Variants in AMY2B observed in about 807,000 individuals in gnomAD.
AMY2B encodes alpha-amylase 2B.
A neutral mutation model predicts 59.3 loss-of-function variants in AMY2B; 63 were observed. The ratio of observed to expected loss-of-function variants is 1.06; its 90% CI spans 0.87 to 1.31. AMY2B has a LOEUF of 1.31. Among genes scored for constraint, AMY2B ranks in the 50% most tolerant of loss-of-function variants. AMY2B has a pLI of 0.00. For synonymous variants in AMY2B, 180 were observed against 198.1 expected, an observed-to-expected ratio of 0.91 and a Z score of 0.77; for missense variants, 635 against 626.7, an observed-to-expected ratio of 1.01 and a Z score of -0.14.
chr1:103,566,955 A>G (rs1198103988), upstream of AMY2B, among the ~76,000 whole-genome samples: 1 of 152,166 alleles, frequency 6.6e-6, no homozygotes, highest in Admixed American at 6.5e-5. Flanking sequence ...ACATAAGACA[A>G]TGTCAATCAT....
intron 9 of AMY2B, among the ~76,000 whole-genome samples, chr1:103,578,778 A>G (rs943814006): frequency 2.0e-5 from 3 of 151,400 alleles, no homozygotes; most frequent in African/African-American, 7.3e-5. Context: ...ATTCTTTTTT[A>G]CCTTATGGGG....
upstream of AMY2B, chr1:103,570,229 A>T: frequency 1.9e-6 from 1 of 524,488 alleles, no homozygotes; most frequent in Non-Finnish European, 3.8e-6. Flanking sequence ...TGAGCAGTAG[A>T]TGGCCACTGC....
intron 2 of AMY2B, 113 bp downstream of exon 2, chr1:103,572,369 C>G (rs1652170436): frequency 2.7e-6 from 4 of 1,496,850 alleles, no homozygotes; most frequent in South Asian, 1.4e-5. Flanking sequence ...TTTAATTTTA[C>G]TTCATACTTT....
chr1:103,569,522 G>T (rs1021629612), upstream of AMY2B: 3 of 269,848 alleles, frequency 1.1e-5, no homozygotes, highest in East Asian at 1.3e-4. Flanking sequence ...TTGTCCTGCC[G>T]CTCCACTGTC....
intron 9 of AMY2B, 71 bp from the exon 10 acceptor site, chr1:103,579,240 T>C (rs189705718): frequency 1.9e-6 from 3 of 1,610,316 alleles, no homozygotes; most frequent in African/African-American, 1.3e-5. Flanking sequence ...AAAGTTATGC[T>C]GTTTAGTTGT....
At position 103,572,302 on chromosome 1, in the gene AMY2B, A is replaced by G. The variant is rs1280608119; in HGVS notation, c.315+46A>G. The G allele has an allele frequency of 3.1e-6, 5 of 1,597,184 alleles. No individual in the cohort carries two copies. In the East Asian group the frequency reaches 6.7e-5, roughly 22 times the overall value. ...TTGAAAAATAACAGATAGGAAAATG[A>G]TTTCTCTCTCTTCTTTCTTGCTCCT... On this transcript the variant is annotated intron_variant, in intron 2 of 9. Transcript: ENST00000684275.
chr1:103,579,074 C>A (rs1419353346), intron 9 of AMY2B, among the ~76,000 whole-genome samples: 1 of 152,138 alleles, frequency 6.6e-6, no homozygotes, highest in Admixed American at 6.6e-5. Flanking sequence ...TGATATTCTT[C>A]AACTTTGATT....
At chr1:103,574,472 AAC>A in intron 5 of AMY2B, 79 bp downstream of exon 5, 1 of 1,601,566 alleles carries the variant, frequency 6.2e-7, no homozygotes, top group Admixed American at 1.7e-5. Flanking sequence ...TATCTTCTGG[AAC>A]ATTCTTTTTC....
chr1:103,560,435 T>C (rs2050592), intron 1 of AMY2B, among the ~76,000 whole-genome samples: 13,721 of 152,178 alleles, frequency 0.09, 656 homozygotes, highest in Middle Eastern at 0.22. Flanking sequence ...ATTTATTTGG[T>C]TCTAGCTTTA....
intron 7 of AMY2B, among the ~76,000 whole-genome samples, chr1:103,577,041 T>C (rs1652382880): frequency 6.6e-6 from 1 of 152,134 alleles, no homozygotes; most frequent in Admixed American, 6.6e-5. Context: ...TCAAGACCTA[T>C]CTGGGCAAGC....
upstream of AMY2B, chr1:103,568,775 T>G (rs544786733): frequency 1.2e-4 from 18 of 151,640 alleles, no homozygotes; most frequent in Admixed American, 8.6e-4. Context: ...AGACTATATA[T>G]ATATACACTG....
At chr1:103,576,464 A>G (rs963236009) in intron 7 of AMY2B, among the ~76,000 whole-genome samples, 2 of 152,144 alleles carry the variant, frequency 1.3e-5, no homozygotes, top group African/African-American at 4.8e-5. Context: ...TTCTATCACT[A>G]TAACTTTTCC....
At position 103,579,318 on chromosome 1, in the gene AMY2B, T is replaced by A. The variant is rs544997650; in HGVS notation, c.1354T>A (p.Ser452Thr). 4.3e-6 allele frequency: 7 copies of A among 1,611,718 alleles called. No homozygotes were observed. The East Asian group carries it at 1.3e-4, about 31-fold the overall frequency. Residue 452 changes from serine to threonine, a missense_variant, in exon 10 of 10, where the codon TCT becomes ACT. Ser to Thr is a moderately conservative substitution (Grantham distance 58, BLOSUM62 1). Coordinates refer to ENST00000684275, the MANE Select transcript of AMY2B (RefSeq NM_001387437.1). ...IVFNNDDWTF[S>T]LTLQTGLPAG... Reference sequence around the variant, plus strand: ...TGAAATTTTATTTTACAGGACATTTTCTTTAACTTTGCAAACTGGTCTTCC... The same window carrying A: ...TGAAATTTTATTTTACAGGACATTTACTTTAACTTTGCAAACTGGTCTTCC...
At chr1:103,558,239 A>G (rs1651620417) in intron 1 of AMY2B, among the ~76,000 whole-genome samples, 2 of 152,218 alleles carry the variant, frequency 1.3e-5, no homozygotes, top group African/African-American at 4.8e-5. Flanking sequence ...TTGTGACATT[A>G]CAAAGGGACT....
chr1:103,574,654 G>T (rs1039768739), intron 5 of AMY2B, among the ~76,000 whole-genome samples: 12 of 152,022 alleles, frequency 7.9e-5, no homozygotes, highest in African/African-American at 2.7e-4. Flanking sequence ...GGATTTGACT[G>T]ATGTTTGCAT....
chr1:103,577,621 A>T lies in AMY2B; in HGVS notation c.1220+13A>T. ...GGCGCCAAATAAGGTGAGAATATGTATTTAGACATGTCCTCTAATAGTAAA... is the reference window on the plus strand; with the variant it reads ...GGCGCCAAATAAGGTGAGAATATGTTTTTAGACATGTCCTCTAATAGTAAA... On this transcript the variant is annotated intron_variant, in intron 8 of 9. Transcript: ENST00000684275. 1 of 1,611,890 alleles carries T rather than the reference A, an allele frequency of 6.2e-7. No individual in the cohort carries two copies. The highest frequency in any genetic ancestry group is 8.5e-7 in the Non-Finnish European group (1 of 1,179,778).
At chr1:103,556,336 G>A (rs1313405779) in intron 1 of AMY2B, among the ~76,000 whole-genome samples, 1 of 152,026 alleles carries the variant, frequency 6.6e-6, no homozygotes, top group Non-Finnish European at 1.5e-5. Flanking sequence ...GTGATGAGAT[G>A]TTGTTACATT....
intron 2 of AMY2B, 55 bp from the exon 3 acceptor site, chr1:103,573,008 C>G: frequency 6.2e-7 from 1 of 1,611,502 alleles, no homozygotes. Context: ...ATCAATAATG[C>G]TTTAAATTTC....
At chr1:103,556,575 A>G (rs1253102012) in intron 1 of AMY2B, among the ~76,000 whole-genome samples, 1 of 151,910 alleles carries the variant, frequency 6.6e-6, no homozygotes, top group Non-Finnish European at 1.5e-5. Flanking sequence ...AATAGTACTA[A>G]GTATAGTATA....
Sources: gnomAD v4.1 joint callset for allele counts (sites outside exome capture counted in the v4.1 genomes callset) on GRCh38, gnomAD v4.1.1 for gene constraint, MANE v1.5 for transcripts, NCBI Gene and HGNC (gene_info 2026-07-23, HGNC 2026-07-21) for gene names.